Variants in GPCPD1 observed in about 807,000 individuals in gnomAD.
GPCPD1 encodes the protein glycerophosphocholine phosphodiesterase GPCPD1.
GPCPD1 carries 29 observed loss-of-function variants against 89.2 expected under a neutral mutation model. That is an observed-to-expected ratio of 0.33 (90% CI 0.24 to 0.44). The LOEUF (loss-of-function observed/expected upper bound fraction) is 0.44, where lower values mean the gene tolerates loss of function less well. GPCPD1 is among the 20% of genes least tolerant of loss of function. The probability of loss-of-function intolerance (pLI) is 1.00; values close to 1 mark genes in which losing one functional copy is unlikely to be tolerated. For synonymous variants in GPCPD1, 258 were observed against 266.3 expected (o/e 0.97, Z 0.30); for missense variants, 594 against 808.9 (o/e 0.73, Z 3.22).
intron 2 of GPCPD1, among the ~76,000 whole-genome samples, chr20:5,603,856 C>A (rs1980360446): frequency 6.6e-6 from 1 of 151,670 alleles, no homozygotes; most frequent in South Asian, 2.1e-4. Flanking sequence ...AAGCAATTCT[C>A]CTGCCTCAGC....
intron 19 of GPCPD1, chr20:5,549,295 T>G: frequency 1.0e-6 from 1 of 955,488 alleles, no homozygotes; most frequent in Non-Finnish European, 1.7e-6. Flanking sequence ...TTCTTAATGT[T>G]AGAGCTAAAG....
chr20:5,572,469 C>T lies in GPCPD1; in HGVS notation c.1056+1446G>A, dbSNP rs115923877. On this transcript the variant is annotated intron_variant, in intron 11 of 19. Coordinates refer to ENST00000379019, the MANE Select transcript of GPCPD1 (RefSeq NM_019593.5). ...ATGACTCAAAGCTAAGTTGTAAACC[C>T]ATTCCAATTTCCAAGAGGCTAAAAT... Among the ~76,000 whole-genome samples the T allele has an allele frequency of 4.1e-3, 630 of 152,160 alleles. 6 individuals are homozygous for T. Among genetic ancestry groups the T allele is most frequent in the African/African-American group, 0.015 (608 of 41,500 alleles).
At chr20:5,584,465 T>C (rs891746397) in intron 5 of GPCPD1, 143 bp from the exon 6 acceptor site, 18 of 489,246 alleles carry the variant, frequency 3.7e-5, no homozygotes, top group East Asian at 2.5e-4. Flanking sequence ...AGCATATTTA[T>C]TGTAGCCCTC....
At chr20:5,602,639 A>G (rs1980242969) in intron 2 of GPCPD1, among the ~76,000 whole-genome samples, 1 of 152,200 alleles carries the variant, frequency 6.6e-6, no homozygotes, top group Non-Finnish European at 1.5e-5. Flanking sequence ...CCCTGCTCTG[A>G]TCCAGGCTCT....
At chr20:5,593,545 G>A (rs1979486275) in intron 3 of GPCPD1, 134 bp from the exon 4 acceptor site, 1 of 592,910 alleles carries the variant, frequency 1.7e-6, no homozygotes, top group Non-Finnish European at 3.1e-6. Flanking sequence ...AAATTTTACA[G>A]GCCTACTCTG....
At chr20:5,559,905 T>C in intron 17 of GPCPD1, 35 bp downstream of exon 17, 2 of 1,290,542 alleles carry the variant, frequency 1.5e-6, no homozygotes, top group South Asian at 1.6e-5. Context: ...AGACACATTC[T>C]AAGAGTATAG....
Position 5,596,825 on chromosome 20 carries a change from G to A in GPCPD1, c.146+1900C>T, listed in dbSNP as rs560616555. Among the ~76,000 whole-genome samples the A allele has an allele frequency of 2.8e-4, 42 of 152,324 alleles. 1 individual carries two copies. The South Asian group carries it at 3.3e-3, about 12-fold the overall frequency. On this transcript the variant is annotated intron_variant, in intron 3 of 19. Transcript: ENST00000379019. ...ATTGTCTAAAGGCACATGGATTCCT[G>A]TGTATCTACTCCCTTCTCCCTGTGA...
chr20:5,545,264 A>G lies in GPCPD1; in HGVS notation c.*2397T>C, dbSNP rs1984978548. The G allele has an allele frequency of 6.6e-6, 1 of 152,178 alleles. No individual in the cohort carries two copies. The highest frequency in any genetic ancestry group is 1.5e-5 in the Non-Finnish European group (1 of 68,020). The allele number at this position is 152,178 out of a possible 1,614,324, so 9.4% of individuals were successfully genotyped here. A position where few individuals can be genotyped will look rare whatever the true frequency, so the allele number is the denominator to read the frequency against. ...AAATTATATTACTCCAATAATTCCA[A>G]CATTCATTTTCCACCATGTTCCAAG... On this transcript the variant is annotated 3_prime_UTR_variant, in exon 20 of 20. Coordinates refer to ENST00000379019, the MANE Select transcript of GPCPD1 (RefSeq NM_019593.5).
rs1415727930 is a variant in GPCPD1 at position 5,544,896 on chromosome 20, G to C, written c.*2765C>G. On this transcript the variant is annotated 3_prime_UTR_variant, in exon 20 of 20. Transcript: ENST00000379019. ...AGCTGTAAGCTTGGAGTTTGGATGG[G>C]AGACGACAGACAAGTGTCACAAGGA... 3.3e-5 allele frequency: 5 copies of C among 152,158 alleles called. No homozygotes were observed. The highest frequency in any genetic ancestry group is 7.3e-5 in the Non-Finnish European group (5 of 68,042). 9.4% of individuals were successfully genotyped at this position (152,158 alleles called of 1,614,324 possible).
At chr20:5,570,074 T>C (rs1986619182) in intron 12 of GPCPD1, 73 bp downstream of exon 12, 5 of 675,142 alleles carry the variant, frequency 7.4e-6, no homozygotes, top group Non-Finnish European at 1.3e-5. Context: ...TAATTAAAAA[T>C]ATAAAAAAAC....
intron 2 of GPCPD1, among the ~76,000 whole-genome samples, chr20:5,602,215 T>C (rs995759808): frequency 3.9e-5 from 6 of 152,234 alleles, no homozygotes; most frequent in African/African-American, 1.2e-4. Flanking sequence ...CAGAGTCATC[T>C]ATATCCACAT....
intron 2 of GPCPD1, among the ~76,000 whole-genome samples, chr20:5,601,418 G>A (rs190629106): frequency 1.4e-5 from 2 of 141,334 alleles, no homozygotes; most frequent in South Asian, 4.5e-4. Flanking sequence ...GCCCAGGCTG[G>A]AGTACAGTGG....
chr20:5,573,964 GC>G lies in GPCPD1; in HGVS notation c.1006del (p.Ala336LeufsTer11). 6.8e-7 allele frequency: 1 copy of G among 1,478,178 alleles called. No homozygotes were observed. 91.6% of individuals were successfully genotyped at this position (1,478,178 alleles called of 1,614,324 possible). Reference protein sequence around the residue: ...AGNSTTTAQLAKVQENTIASL... With the variant: ...AGNSTTTAQLXKVQENTIASL... ...AGCAATAGTATTTTCTTGAACTTTA[GC>G]CAGCCTGAAAAGAAGAAATACAGTT... is the stretch of plus-strand genomic sequence containing the variant. On this transcript the variant is annotated frameshift_variant, in exon 11 of 20. Coordinates refer to ENST00000379019, the MANE Select transcript of GPCPD1 (RefSeq NM_019593.5). LOFTEE classifies it high-confidence loss of function.
At chr20:5,556,277 G>A (rs1172415629) in intron 19 of GPCPD1, among the ~76,000 whole-genome samples, 1 of 151,946 alleles carries the variant, frequency 6.6e-6, no homozygotes, top group African/African-American at 2.4e-5. Context: ...GCGCGATCTC[G>A]GCTCACTGCA....
Position 5,575,403 on chromosome 20 carries a change from T to C in GPCPD1, c.1001+10A>G. 6.3e-7 allele frequency: 1 copy of C among 1,595,880 alleles called. No individual in the cohort carries two copies. The highest frequency in any genetic ancestry group is 8.6e-7 in the Non-Finnish European group (1 of 1,167,212). ...ACCAAATGCTAATCCTACTCAAATA[T>C]TCAACTTACTGGGCAGTTGTTGTAG... On this transcript the variant is annotated intron_variant, in intron 10 of 19. Transcript: ENST00000379019.
intron 13 of GPCPD1, 53 bp downstream of exon 13, chr20:5,567,430 T>C (rs1986448215): frequency 3.9e-6 from 6 of 1,527,088 alleles, no homozygotes; most frequent in Middle Eastern, 3.5e-4. Context: ...TACAAGCAAG[T>C]ACAATAGTCC....
At chr20:5,607,801 G>C (rs1222015171) in intron 1 of GPCPD1, among the ~76,000 whole-genome samples, 1 of 142,714 alleles carries the variant, frequency 7.0e-6, no homozygotes, top group Non-Finnish European at 1.5e-5. Flanking sequence ...CTGTGTGACA[G>C]AATGAGACTC....
At chr20:5,573,252 T>C (rs2122648020) in intron 11 of GPCPD1, among the ~76,000 whole-genome samples, 1 of 152,180 alleles carries the variant, frequency 6.6e-6, no homozygotes, top group East Asian at 1.9e-4. Context: ...GCCAGGTTAA[T>C]TTTTTGTATT....
chr20:5,557,501 AC>A (rs767890354), intron 19 of GPCPD1, among the ~76,000 whole-genome samples: 21 of 152,234 alleles, frequency 1.4e-4, no homozygotes, highest in Non-Finnish European at 2.5e-4. Context: ...CTGAATTGTC[AC>A]TTATACTGAA....
Sources: gnomAD v4.1 joint callset for allele counts (sites outside exome capture counted in the v4.1 genomes callset) on GRCh38, gnomAD v4.1.1 for gene constraint, MANE v1.5 for transcripts, NCBI Gene and HGNC (gene_info 2026-07-23, HGNC 2026-07-21) for gene names.